SULT2B1: variants seen among roughly 807,000 people sequenced by gnomAD.
SULT2B1 encodes the protein sulfotransferase 2B1.
A neutral mutation model predicts 33.2 loss-of-function variants in SULT2B1; 16 were observed. That is an observed-to-expected ratio of 0.48 (90% CI 0.33 to 0.73). SULT2B1 has a LOEUF of 0.73. SULT2B1 is among the 30% of genes least tolerant of loss of function. The probability of loss-of-function intolerance (pLI) is 0.02; values close to 1 mark genes in which losing one functional copy is unlikely to be tolerated. For synonymous variants in SULT2B1, 186 were observed against 200.5 expected, an observed-to-expected ratio of 0.93 and a Z score of 0.61; for missense variants, 500 against 506.0, an observed-to-expected ratio of 0.99 and a Z score of 0.11.
At chr19:48,561,369 C>T (rs1158668906) in intron 1 of SULT2B1, among the ~76,000 whole-genome samples, 1 of 151,576 alleles carries the variant, frequency 6.6e-6, no homozygotes, top group Non-Finnish European at 1.5e-5. Flanking sequence ...GCAGAGGTTG[C>T]AGTGAGCCGA....
chr19:48,555,162 G>A (rs1017471066), intron 1 of SULT2B1, among the ~76,000 whole-genome samples: 1 of 152,130 alleles, frequency 6.6e-6, no homozygotes, highest in Non-Finnish European at 1.5e-5. Context: ...CACGATCTCG[G>A]CTCACTACAA....
chr19:48,576,385 T>G (rs1438311201), intron 2 of SULT2B1, among the ~76,000 whole-genome samples: 2 of 140,766 alleles, frequency 1.4e-5, no homozygotes, highest in East Asian at 4.0e-4. Flanking sequence ...TTTGTAGAGA[T>G]GGGGTCTCGC....
intron 1 of SULT2B1, among the ~76,000 whole-genome samples, chr19:48,555,020 A>G (rs974682579): frequency 2.6e-5 from 4 of 152,158 alleles, no homozygotes; most frequent in African/African-American, 7.2e-5. Context: ...TGGGAGGTGA[A>G]GCGGGCGCTC....
At chr19:48,593,160 C>T (rs756183291) in intron 5 of SULT2B1, among the ~76,000 whole-genome samples, 8 of 152,064 alleles carry the variant, frequency 5.3e-5, no homozygotes, top group Non-Finnish European at 1.0e-4. Context: ...GAGCCTGAGG[C>T]GGGAGGACCC....
intron 1 of SULT2B1, among the ~76,000 whole-genome samples, chr19:48,573,001 A>G (rs969023889): frequency 6.6e-6 from 1 of 151,936 alleles, no homozygotes; most frequent in African/African-American, 2.4e-5. Context: ...TACTAAAAAT[A>G]CAAAAATCAG....
At chr19:48,564,661 T>A (rs942269085) in intron 1 of SULT2B1, among the ~76,000 whole-genome samples, 9 of 152,008 alleles carry the variant, frequency 5.9e-5, no homozygotes, top group Admixed American at 4.6e-4. Flanking sequence ...AATTTGGGGT[T>A]TTTTAAATTT....
In SULT2B1 at chr19:48,591,703, A is replaced by G. The variant is rs756748647; in HGVS notation, c.518A>G (p.Asp173Gly). ...CAGTTAAAGGACCCGGGCACACCCG[A>G]CCAGTTCCTGAGGGACTTCCTCAAA... ...AGQLKDPGTP[D>G]QFLRDFLKGE... The change falls in exon 4 of 7, where the codon GAC (aspartate) becomes GGC (glycine). Residue 173 changes from aspartate (D) to glycine (G), a missense_variant. Transcript: ENST00000201586. The G allele has an allele frequency of 1.2e-6, 2 of 1,610,468 alleles. No individual in the cohort carries two copies. Among genetic ancestry groups the G allele is most frequent in the Non-Finnish European group, 1.7e-6 (2 of 1,178,308 alleles).
intron 1 of SULT2B1, among the ~76,000 whole-genome samples, chr19:48,563,468 G>A (rs567900265): frequency 2.0e-5 from 3 of 152,244 alleles, no homozygotes; most frequent in South Asian, 2.1e-4. Flanking sequence ...CTACTCAGCC[G>A]CAAATGGGAA....
chr19:48,569,913 G>A (rs1013263813), intron 1 of SULT2B1, among the ~76,000 whole-genome samples: 6 of 151,998 alleles, frequency 3.9e-5, no homozygotes, highest in South Asian at 2.1e-4. Context: ...TGATCCACCT[G>A]TCTCGGCTTC....
In SULT2B1 at chr19:48,599,076, A is replaced by C; in HGVS notation, c.827-59A>C. The C allele has an allele frequency of 1.3e-6, 2 of 1,524,364 alleles. No homozygotes were observed. Among genetic ancestry groups the C allele is most frequent in the South Asian group, 1.2e-5 (1 of 82,272 alleles). The allele number at this position is 1,524,364 out of a possible 1,614,324, so 94.4% of individuals were successfully genotyped here. A position where few individuals can be genotyped will look rare whatever the true frequency, so the allele number is the denominator to read the frequency against. Reference sequence around the variant, plus strand: ...GGGAAGGAGGTTGCTGGAATGTTGGAGGTAGGGGCGCAGTGCTCCCCAGAG... The same window carrying C: ...GGGAAGGAGGTTGCTGGAATGTTGGCGGTAGGGGCGCAGTGCTCCCCAGAG... On this transcript the variant is annotated intron_variant, in intron 6 of 6. Coordinates refer to ENST00000201586, the MANE Select transcript of SULT2B1 (RefSeq NM_177973.2). This position sits in a 1 kb window ranked among gnomAD's most constrained non-coding sequence, Gnocchi z 4.1.
At chr19:48,578,533 G>C (rs911220677) in intron 2 of SULT2B1, among the ~76,000 whole-genome samples, 1 of 151,932 alleles carries the variant, frequency 6.6e-6, no homozygotes, top group African/African-American at 2.4e-5. Flanking sequence ...AGTGAGACGC[G>C]TTCACCCCAC....
chr19:48,592,264 C>T (rs935070435), intron 4 of SULT2B1, among the ~76,000 whole-genome samples: 1 of 151,790 alleles, frequency 6.6e-6, no homozygotes, highest in Non-Finnish European at 1.5e-5. Flanking sequence ...TGCACTCCAG[C>T]CTGGGCGACA....
At chr19:48,557,032 T>G (rs570629005) in intron 1 of SULT2B1, among the ~76,000 whole-genome samples, 66 of 151,788 alleles carry the variant, frequency 4.3e-4, no homozygotes, top group African/African-American at 1.5e-3. Context: ...GGAGTATCAT[T>G]TGAGGCCAGG....
At chr19:48,572,604 G>A (rs762849698) in intron 1 of SULT2B1, among the ~76,000 whole-genome samples, 13 of 152,258 alleles carry the variant, frequency 8.5e-5, no homozygotes, top group Non-Finnish European at 1.6e-4. Flanking sequence ...GAAAATGGGC[G>A]TGCCTGGAGC....
intron 1 of SULT2B1, among the ~76,000 whole-genome samples, chr19:48,556,915 A>G (rs1019407626): frequency 1.3e-5 from 2 of 150,580 alleles, no homozygotes; most frequent in Non-Finnish European, 3.0e-5. Flanking sequence ...CTGCCACTGT[A>G]CTCCAGCCTG....
At chr19:48,560,740 C>CA (rs1457178569) in intron 1 of SULT2B1, among the ~76,000 whole-genome samples, 1 of 151,822 alleles carries the variant, frequency 6.6e-6, no homozygotes, top group Non-Finnish European at 1.5e-5. Context: ...ACGTGTGGAT[C>CA]CCTTGAGGTC....
At chr19:48,582,715 C>T (rs912396197) in intron 2 of SULT2B1, among the ~76,000 whole-genome samples, 4 of 151,806 alleles carry the variant, frequency 2.6e-5, no homozygotes, top group South Asian at 2.1e-4. Context: ...TGGTGGTGCG[C>T]GCCTGTGGTC....
Position 48,596,743 on chromosome 19 carries a change from T to C in SULT2B1, c.650T>C (p.Leu217Ser). ...FITYEELQQD[L>S]QGSVERICGF... The stretch of plus-strand genomic sequence containing the variant: ...ACCCCTCTCCCCTGCCTGCAGGACT[T>C]ACAGGGCTCCGTGGAGCGCATCTGT... Residue 217 changes from leucine to serine, a missense_variant, in exon 6 of 7, where the codon TTA becomes TCA. Transcript: ENST00000201586. 1 of 1,603,748 alleles carries C rather than the reference T, an allele frequency of 6.2e-7. No individual in the cohort carries two copies. The highest frequency in any genetic ancestry group is 1.3e-5 in the African/African-American group (1 of 74,980).
intron 3 of SULT2B1, among the ~76,000 whole-genome samples, chr19:48,590,042 C>T (rs1301530041): frequency 6.6e-6 from 1 of 152,008 alleles, no homozygotes; most frequent in Non-Finnish European, 1.5e-5. Context: ...TGCAATGGCA[C>T]GATCTTGGCT....
Sources: allele counts gnomAD v4.1 joint callset (sites outside exome capture counted in the v4.1 genomes callset), GRCh38; gene constraint gnomAD v4.1.1; non-coding constraint Gnocchi (gnomAD v3.1); transcripts MANE v1.5; gene names NCBI Gene and HGNC (gene_info 2026-07-23, HGNC 2026-07-21).